Variants in CPNE1 observed in about 807,000 individuals in gnomAD.
CPNE1 encodes copine-1.
CPNE1 carries 58 observed loss-of-function variants against 63.2 expected under a neutral mutation model. The ratio of observed to expected loss-of-function variants is 0.92; its 90% CI spans 0.74 to 1.14. The LOEUF (loss-of-function observed/expected upper bound fraction) is 1.14. CPNE1 is among the 50% of genes most tolerant of loss of function. The probability of loss-of-function intolerance (pLI) is 0.00; values close to 1 mark genes in which losing one functional copy is unlikely to be tolerated. For missense variants in CPNE1, 672 were observed against 661.7 expected (o/e 1.02, Z -0.17); for synonymous variants, 237 against 249.0 (o/e 0.95, Z 0.45).
chr20:35,630,998 A>T lies in CPNE1; in HGVS notation c.898T>A (p.Ser300Thr), dbSNP rs750909596. The change falls in exon 11 of 16, where the codon TCC becomes ACC. Residue 300 changes from serine (S) to threonine (T), a missense_variant. Physicochemically the swap from Ser to Thr is moderately conservative, Grantham distance 58 (BLOSUM62 1). Transcript: ENST00000397443. ...AGGTAGTGTAGGGAGTCAGGTGAGG[A>T]GGGGTCTCCATTGGAGCCAGTGAAG... ...VDFTGSNGDP[S>T]SPDSLHYLSP... is the part of the protein sequence containing the mutation. The T allele has an allele frequency of 1.9e-6, 3 of 1,613,700 alleles. No individual in the cohort carries two copies. Among genetic ancestry groups the T allele is most frequent in the East Asian group, 4.5e-5 (2 of 44,844 alleles).
At chr20:35,661,211 A>G (rs552884273) in intron 1 of CPNE1, among the ~76,000 whole-genome samples, 1 of 152,374 alleles carries the variant, frequency 6.6e-6, no homozygotes, top group Non-Finnish European at 1.5e-5. Context: ...AGGGAAAGGT[A>G]AATGGAAATA....
chr20:35,661,881 A>C (rs1468912468), intron 1 of CPNE1, among the ~76,000 whole-genome samples: 2 of 152,212 alleles, frequency 1.3e-5, no homozygotes, highest in Non-Finnish European at 2.9e-5. Flanking sequence ...CAGCAGAGCT[A>C]GGTTCTTCAG....
intron 1 of CPNE1, among the ~76,000 whole-genome samples, chr20:35,638,084 C>G (rs946286879): frequency 7.2e-5 from 11 of 152,180 alleles, no homozygotes; most frequent in Admixed American, 7.2e-4. Context: ...TTTTGTCTGT[C>G]TACCCTGTAA....
At position 35,630,920 on chromosome 20, in the gene CPNE1, C is replaced by T. The variant is rs780606701; in HGVS notation, c.976G>A (p.Val326Met). Residue 326 changes from valine to methionine, a missense_variant, in exon 11 of 16, where the codon GTG becomes ATG. Val to Met is a conservative substitution (Grantham distance 21). Coordinates refer to ENST00000397443, the MANE Select transcript of CPNE1 (RefSeq NM_152925.3). ...ACTCACGAGTCATAGTCCTGAACCACGCTGCCCACACTCCACAGTGCCATC... is the reference window on the plus strand; with the variant it reads ...ACTCACGAGTCATAGTCCTGAACCATGCTGCCCACACTCCACAGTGCCATC... ...YLMALWSVGSVVQDYDSDKLF... is the reference protein window; with the variant it reads ...YLMALWSVGSMVQDYDSDKLF... 23 of 1,609,994 alleles carry T rather than the reference C, an allele frequency of 1.4e-5. No homozygotes were observed. The highest frequency in any genetic ancestry group is 5.5e-5 in the South Asian group (5 of 90,704).
chr20:35,636,339 T>G (rs1018451992), intron 1 of CPNE1, among the ~76,000 whole-genome samples: 2 of 152,124 alleles, frequency 1.3e-5, no homozygotes, highest in Non-Finnish European at 2.9e-5. Context: ...GTTTACACAG[T>G]ACAGAGACAA....
At chr20:35,643,052 A>C (rs1374302531) in intron 1 of CPNE1, 3 of 152,304 alleles carry the variant, frequency 2.0e-5, no homozygotes, top group Non-Finnish European at 4.4e-5. Flanking sequence ...CTGTACAACT[A>C]ACTCTTCAAA....
chr20:35,662,421 A>G (rs1478679755), intron 1 of CPNE1, among the ~76,000 whole-genome samples: 1 of 152,222 alleles, frequency 6.6e-6, no homozygotes, highest in African/African-American at 2.4e-5. Flanking sequence ...ATAAAACTGT[A>G]GTTTAGATAA....
rs562613295 is a variant in CPNE1 at position 35,629,000 on chromosome 20, GTACA to G, written c.1102+1435_1102+1438del. On this transcript the variant is annotated intron_variant, in intron 13 of 15. Transcript: ENST00000397443. ...TTCTCCAACACACGTATACATGTGT[GTACA>G]TACATAAACACATATTTTTAATCTT... Among the ~76,000 whole-genome samples the G allele has an allele frequency of 1.3e-4, 20 of 152,316 alleles. No homozygotes were observed. The South Asian group carries it at 4.1e-3, about 32-fold the overall frequency.
At chr20:35,645,213 T>C (rs1033141380) in intron 1 of CPNE1, among the ~76,000 whole-genome samples, 6 of 152,156 alleles carry the variant, frequency 3.9e-5, no homozygotes, top group Non-Finnish European at 5.9e-5. Context: ...AACCTACCTA[T>C]TGTTCATAAT....
chr20:35,627,596 G>T, intron 13 of CPNE1, 183 bp from the exon 14 acceptor site: 1 of 553,856 alleles, frequency 1.8e-6, no homozygotes. Context: ...AAAGAGAGGA[G>T]GGGACTTGCC....
chr20:35,653,348 C>T (rs201722895), intron 1 of CPNE1: 26 of 1,613,910 alleles, frequency 1.6e-5, no homozygotes, highest in South Asian at 1.3e-4. Flanking sequence ...AGTCCCACAC[C>T]GGGCAGTCCC....
At chr20:35,640,430 T>A (rs1016578385) in intron 1 of CPNE1, among the ~76,000 whole-genome samples, 2 of 152,162 alleles carry the variant, frequency 1.3e-5, no homozygotes, top group Non-Finnish European at 2.9e-5. Flanking sequence ...AGAACCATAT[T>A]AAATATCACA....
chr20:35,661,547 T>C (rs1287052621), intron 1 of CPNE1, among the ~76,000 whole-genome samples: 1 of 152,256 alleles, frequency 6.6e-6, no homozygotes, highest in African/African-American at 2.4e-5. Flanking sequence ...AGAAGCTGGC[T>C]TTAGTATGTT....
intron 1 of CPNE1, chr20:35,650,767 CCA>C (rs1322628537): frequency 2.0e-5 from 3 of 152,540 alleles, no homozygotes; most frequent in African/African-American, 7.2e-5. Flanking sequence ...GAAACTGTTG[CCA>C]CTCTTAAATT....
chr20:35,631,716 C>T lies in CPNE1; in HGVS notation c.599G>A (p.Cys200Tyr), dbSNP rs1381290575. 1.9e-6 allele frequency: 3 copies of T among 1,614,110 alleles called. No homozygotes were observed. The highest frequency in any genetic ancestry group is 2.5e-6 in the Non-Finnish European group (3 of 1,179,992). Reference sequence around the variant, plus strand: ...GATGGGTGTGCTGGGGTTCCCACCACAGAAATGCTGAACGGGGACTGAGAA... The same window carrying T: ...GATGGGTGTGCTGGGGTTCCCACCATAGAAATGCTGAACGGGGACTGAGAA... ...KRFSVPVQHFCGGNPSTPIQV... is the reference protein window; with the variant it reads ...KRFSVPVQHFYGGNPSTPIQV... The change falls in exon 7 of 16, where the codon TGT becomes TAT. Residue 200 changes from cysteine to tyrosine, a missense_variant. By Grantham distance (194) the Cys-to-Tyr change is radical (BLOSUM62 -2). Coordinates refer to ENST00000397443, the MANE Select transcript of CPNE1 (RefSeq NM_152925.3).
chr20:35,637,059 AAAAT>A (rs2032529262), intron 1 of CPNE1, among the ~76,000 whole-genome samples: 1 of 152,220 alleles, frequency 6.6e-6, no homozygotes, highest in Non-Finnish European at 1.5e-5. Flanking sequence ...CAAAACAAGC[AAAAT>A]AAATAAAAAG....
chr20:35,648,019 C>T (rs1010138028), intron 1 of CPNE1, among the ~76,000 whole-genome samples: 19 of 150,896 alleles, frequency 1.3e-4, no homozygotes, highest in Admixed American at 3.3e-4. Context: ...GAGCCGAGAT[C>T]GCACCACTGC....
chr20:35,658,802 A>AC (rs2034058571), intron 1 of CPNE1: 200 of 473,570 alleles, frequency 4.2e-4, no homozygotes, highest in African/African-American at 1.4e-3. Context: ...AGCAAACAAA[A>AC]ACACACACAC....
intron 13 of CPNE1, among the ~76,000 whole-genome samples, chr20:35,629,737 C>G (rs1442081067): frequency 6.6e-6 from 1 of 151,718 alleles, no homozygotes; most frequent in Non-Finnish European, 1.5e-5. Context: ...TGGCTCACCA[C>G]AACCTCAACC....
Sources: allele counts gnomAD v4.1 joint callset (sites outside exome capture counted in the v4.1 genomes callset), GRCh38; gene constraint gnomAD v4.1.1; transcripts MANE v1.5; gene names NCBI Gene and HGNC (gene_info 2026-07-23, HGNC 2026-07-21).